Variants in VPS13B observed in about 807,000 individuals in gnomAD.
VPS13B encodes vacuolar protein sorting 13 homolog B, also known as intermembrane lipid transfer protein VPS13B.
A neutral mutation model predicts 426.4 loss-of-function variants in VPS13B; 285 were observed. The ratio of observed to expected loss-of-function variants is 0.67; its 90% confidence interval spans 0.61 to 0.74. The LOEUF is 0.74. Ranked by LOEUF, VPS13B falls within the 30% of genes least tolerant of loss-of-function variation. The pLI, the probability that VPS13B is intolerant of heterozygous loss-of-function variation, is 0.00. For missense variants in VPS13B, 4,537 were observed against 4,782.6 expected (o/e 0.95, Z 1.51); for synonymous variants, 1,676 against 1,676.4 (o/e 1.00, Z 0.01).
At chr8:99,165,938 A>G (rs1035709535) in intron 15 of VPS13B, among the ~76,000 whole-genome samples, 8 of 152,190 alleles carry the variant, frequency 5.3e-5, no homozygotes, top group Non-Finnish European at 7.4e-5. Context: ...AAATGTAATA[A>G]TTGAGTACAG....
intron 27 of VPS13B, among the ~76,000 whole-genome samples, chr8:99,504,621 T>C (rs1008557400): frequency 1.3e-5 from 2 of 152,126 alleles, no homozygotes; most frequent in Non-Finnish European, 2.9e-5. Context: ...ACAAAGAGCT[T>C]AAAATATTCA....
intron 19 of VPS13B, among the ~76,000 whole-genome samples, chr8:99,326,478 T>TTTTTTTTTTTTTTTTG: frequency 7.8e-6 from 1 of 127,656 alleles, no homozygotes; most frequent in Non-Finnish European, 1.6e-5. Context: ...TTTTTTTTTT[T>TTTTTTTTTTTTTTTTG]TTTTGAGACA....
chr8:99,124,850 C>G (rs577042293), intron 8 of VPS13B, among the ~76,000 whole-genome samples: 10 of 127,518 alleles, frequency 7.8e-5, no homozygotes, highest in African/African-American at 3.1e-4. Context: ...CCATTGCACT[C>G]CAGCCTGGGC....
chr8:99,789,034 T>C (rs1196761663), intron 43 of VPS13B, among the ~76,000 whole-genome samples: 1 of 152,210 alleles, frequency 6.6e-6, no homozygotes, highest in Non-Finnish European at 1.5e-5. Context: ...AAAATATTTT[T>C]ATTATACTCA....
At chr8:99,621,089 G>T (rs1828331071) in intron 33 of VPS13B, among the ~76,000 whole-genome samples, 1 of 151,944 alleles carries the variant, frequency 6.6e-6, no homozygotes. Flanking sequence ...TTTAGTTAGG[G>T]TTAGGAAGAA....
At chr8:99,620,432 A>G (rs1320080826) in intron 33 of VPS13B, among the ~76,000 whole-genome samples, 1 of 152,154 alleles carries the variant, frequency 6.6e-6, no homozygotes, top group African/African-American at 2.4e-5. Context: ...ACCAAAGTAT[A>G]ATGAAATATG....
intron 35 of VPS13B, chr8:99,697,917 A>G (rs1286463531): frequency 6.6e-6 from 3 of 451,896 alleles, no homozygotes; most frequent in Non-Finnish European, 1.3e-5. Context: ...AAAGATGTTC[A>G]TGCCTCCACC....
chr8:99,072,033 T>C (rs574255083), intron 3 of VPS13B, among the ~76,000 whole-genome samples: 1 of 152,106 alleles, frequency 6.6e-6, no homozygotes, highest in East Asian at 1.9e-4. Flanking sequence ...GGTCTGGAAC[T>C]GGGGACCCTA....
At chr8:99,555,365 C>A (rs1824499779) in intron 30 of VPS13B, among the ~76,000 whole-genome samples, 1 of 152,088 alleles carries the variant, frequency 6.6e-6, no homozygotes, top group Non-Finnish European at 1.5e-5. Flanking sequence ...ACACTAGGAC[C>A]CCCATCACCT....
At chr8:99,729,556 C>G (rs1401179279) in intron 39 of VPS13B, among the ~76,000 whole-genome samples, 1 of 152,170 alleles carries the variant, frequency 6.6e-6, no homozygotes, top group Non-Finnish European at 1.5e-5. Flanking sequence ...CTTTTTAGTG[C>G]AATGACTATG....
intron 58 of VPS13B, 98 bp from the exon 59 acceptor site, chr8:99,868,191 C>A: frequency 6.7e-7 from 1 of 1,495,320 alleles, no homozygotes; most frequent in South Asian, 1.2e-5. Context: ...AGGGTGGGGA[C>A]TCATTTTCAA....
At chr8:99,643,033 T>G (rs1421318677) in intron 34 of VPS13B, among the ~76,000 whole-genome samples, 2 of 152,230 alleles carry the variant, frequency 1.3e-5, no homozygotes, top group Non-Finnish European at 2.9e-5. Context: ...TTGCTCTTGC[T>G]GCCCAACCCA....
At chr8:99,297,912 T>C (rs1018661842) in intron 19 of VPS13B, among the ~76,000 whole-genome samples, 17 of 152,200 alleles carry the variant, frequency 1.1e-4, no homozygotes, top group Non-Finnish European at 2.2e-4. Flanking sequence ...AATGTCTTCT[T>C]GCTGGGTAAT....
chr8:99,354,266 CTTTTTTTTTTTTTTTTTTTTT>C (rs71273176), intron 19 of VPS13B, among the ~76,000 whole-genome samples: 29 of 22,194 alleles, frequency 1.3e-3, no homozygotes, highest in South Asian at 4.6e-3. Context: ...CTCCCCCTGC[CTTTTTTTTTTTTTTTTTTTTT>C]TTTTTTTTTT....
At chr8:99,025,517 T>C (rs888329408) in intron 2 of VPS13B, among the ~76,000 whole-genome samples, 1 of 152,188 alleles carries the variant, frequency 6.6e-6, no homozygotes, top group Non-Finnish European at 1.5e-5. Flanking sequence ...CATATTGTCT[T>C]GTTTTCTTTT....
chr8:99,782,895 A>G (rs1812085785), intron 42 of VPS13B, among the ~76,000 whole-genome samples: 1 of 152,142 alleles, frequency 6.6e-6, no homozygotes, highest in South Asian at 2.1e-4. Flanking sequence ...GGTCTCACTT[A>G]GCCAGAAACT....
chr8:99,803,952 G>A (rs891123482), intron 43 of VPS13B, among the ~76,000 whole-genome samples: 1 of 152,106 alleles, frequency 6.6e-6, no homozygotes, highest in African/African-American at 2.4e-5. Flanking sequence ...TATCAGTACT[G>A]CAGTATCTGA....
intron 17 of VPS13B, among the ~76,000 whole-genome samples, chr8:99,228,607 T>C (rs72672328): frequency 0.095 from 14,047 of 148,528 alleles, 932 homozygotes; most frequent in African/African-American, 0.19. Flanking sequence ...ATAAAATATA[T>C]GTAATCCATA....
Position 99,154,674 on chromosome 8 carries a change from C to T in VPS13B, c.2014-1875C>T, listed in dbSNP as rs73281689. Among the ~76,000 whole-genome samples the T allele has an allele frequency of 5.1e-3, 778 of 152,260 alleles. 5 individuals are homozygous for T. The highest frequency in any genetic ancestry group is 0.02 in the Middle Eastern group (6 of 294). On this transcript the variant is annotated intron_variant, in intron 14 of 61. Transcript: ENST00000357162. ...TAGAGTTCAGGCCCTGCCACATTAG[C>T]ACCTGGGGCCTTCCTTTGAGACCTT... is the stretch of plus-strand genomic sequence containing the variant.
Sources: gnomAD v4.1 joint callset for allele counts (sites outside exome capture counted in the v4.1 genomes callset) on GRCh38, gnomAD v4.1.1 for gene constraint, MANE v1.5 for transcripts, NCBI Gene and HGNC (gene_info 2026-07-23, HGNC 2026-07-21) for gene names.